Variants in HEMK2 observed in about 807,000 individuals in gnomAD.
HEMK2 encodes the protein HemK methyltransferase 2, ETF1 glutamine and histone H4 lysine.
the HEMK2 span, among the ~76,000 whole-genome samples, chr21:28,763,814 C>T: frequency 1.3e-5 from 2 of 152,034 alleles, no homozygotes; most frequent in Admixed American, 6.6e-5. Flanking sequence ...CAAACCAACT[C>T]GTTTGACTGC....
At chr21:28,817,688 G>A in the HEMK2 span, among the ~76,000 whole-genome samples, 2 of 152,168 alleles carry the variant, frequency 1.3e-5, no homozygotes, top group African/African-American at 2.4e-5. Context: ...ATAAATGTCT[G>A]ATGGAGTGAA....
At chr21:28,831,684 AAGG>A in the HEMK2 span, among the ~76,000 whole-genome samples, 2 of 52,170 alleles carry the variant, frequency 3.8e-5, no homozygotes, top group African/African-American at 1.1e-4. Context: ...AGAAAGAAAG[AAGG>A]AAGGAAGGAA....
chr21:28,732,227 T>C, the HEMK2 span, among the ~76,000 whole-genome samples: 200 of 152,350 alleles, frequency 1.3e-3, 3 homozygotes, highest in African/African-American at 4.7e-3. Context: ...CAAGATTTCA[T>C]GTCCTGTGTT....
chr21:28,885,123 C>G, the HEMK2 span: 10 of 1,438,140 alleles, frequency 7.0e-6, no homozygotes, highest in Middle Eastern at 7.5e-4. Context: ...CGGCTCAGGG[C>G]GGTGATAGTC....
the HEMK2 span, among the ~76,000 whole-genome samples, chr21:28,676,443 G>T: frequency 1.3e-5 from 2 of 152,182 alleles, no homozygotes; most frequent in Non-Finnish European, 2.9e-5. Flanking sequence ...GTACCAGGGG[G>T]TTAGGACTTC....
the HEMK2 span, among the ~76,000 whole-genome samples, chr21:28,840,671 A>G: frequency 1.3e-5 from 2 of 151,888 alleles, no homozygotes; most frequent in Non-Finnish European, 2.9e-5. Flanking sequence ...TCCTGCAAGA[A>G]TGGCCATAAT....
the HEMK2 span, among the ~76,000 whole-genome samples, chr21:28,819,892 C>A: frequency 2.0e-5 from 3 of 152,084 alleles, no homozygotes; most frequent in African/African-American, 7.2e-5. Flanking sequence ...CTTCCCAGGT[C>A]CTTTACTTAG....
the HEMK2 span, among the ~76,000 whole-genome samples, chr21:28,765,374 G>A: frequency 1.3e-5 from 2 of 152,128 alleles, no homozygotes; most frequent in Non-Finnish European, 2.9e-5. Flanking sequence ...ACTAATAAGT[G>A]TGTGTTGGTT....
the HEMK2 span, among the ~76,000 whole-genome samples, chr21:28,847,042 G>A: frequency 6.6e-6 from 1 of 152,082 alleles, no homozygotes; most frequent in Admixed American, 6.5e-5. Flanking sequence ...ACCACTGACT[G>A]GCATCTAGGT....
chr21:28,778,975 G>A, the HEMK2 span, among the ~76,000 whole-genome samples: 14 of 151,986 alleles, frequency 9.2e-5, no homozygotes, highest in East Asian at 1.9e-4. Context: ...TACGCATCAC[G>A]TTTTGGTATC....
At chr21:28,730,972 C>T in the HEMK2 span, among the ~76,000 whole-genome samples, 1 of 151,680 alleles carries the variant, frequency 6.6e-6, no homozygotes, top group East Asian at 2.0e-4. Flanking sequence ...CTACCCCATC[C>T]CAGCAGGAAA....
the HEMK2 span, among the ~76,000 whole-genome samples, chr21:28,827,839 G>A: frequency 1.3e-5 from 2 of 152,018 alleles, no homozygotes. Context: ...TTGATAATTT[G>A]CAACCATTTT....
chr21:28,594,844 G>A, the HEMK2 span, among the ~76,000 whole-genome samples: 1 of 152,126 alleles, frequency 6.6e-6, no homozygotes, highest in Non-Finnish European at 1.5e-5. Context: ...ATTTACCAGG[G>A]CTATTAAACC....
chr21:28,762,220 A>G, the HEMK2 span, among the ~76,000 whole-genome samples: 2 of 152,096 alleles, frequency 1.3e-5, no homozygotes, highest in Non-Finnish European at 1.5e-5. Context: ...GCATTTATTA[A>G]TACCATTATT....
the HEMK2 span, among the ~76,000 whole-genome samples, chr21:28,648,909 A>T: frequency 8.0e-5 from 12 of 150,518 alleles, no homozygotes; most frequent in South Asian, 2.1e-4. Context: ...AACATTAGGT[A>T]TATCTCCTAA....
chr21:28,865,101 C>T, the HEMK2 span, among the ~76,000 whole-genome samples: 1 of 152,278 alleles, frequency 6.6e-6, no homozygotes, highest in Non-Finnish European at 1.5e-5. Context: ...CCTCCATCTC[C>T]TGATTAACCT....
At chr21:28,810,772 G>T in the HEMK2 span, among the ~76,000 whole-genome samples, 2 of 152,136 alleles carry the variant, frequency 1.3e-5, no homozygotes, top group African/African-American at 2.4e-5. Context: ...TCACTGTGGT[G>T]ATTTCCCTTC....
the HEMK2 span, among the ~76,000 whole-genome samples, chr21:28,871,346 T>C: frequency 6.6e-6 from 1 of 152,102 alleles, no homozygotes; most frequent in Non-Finnish European, 1.5e-5. Flanking sequence ...TCCACATGGT[T>C]GGAGCAGGAG....
At chr21:28,792,303 C>T in the HEMK2 span, among the ~76,000 whole-genome samples, 1 of 152,132 alleles carries the variant, frequency 6.6e-6, no homozygotes, top group Admixed American at 6.6e-5. Context: ...AGTAGCCTAT[C>T]TTTTATTTCT....
Sources: gnomAD v4.1 joint callset for allele counts (sites outside exome capture counted in the v4.1 genomes callset) on GRCh38, gnomAD v4.1.1 for gene constraint, MANE v1.5 for transcripts, NCBI Gene and HGNC (gene_info 2026-07-23, HGNC 2026-07-21) for gene names.